The following PCM1 variants were observed in gnomAD, a reference collection of about 807,000 sequenced individuals.
The protein encoded by PCM1 is pericentriolar material 1 protein.
In PCM1, 157 loss-of-function variants were observed where a neutral mutation model predicts 241.9. The ratio of observed to expected loss-of-function variants is 0.65; its 90% CI spans 0.57 to 0.74. The LOEUF (loss-of-function observed/expected upper bound fraction) is 0.74, where lower values mean the gene tolerates loss of function less well. PCM1 is among the 30% of genes least tolerant of loss of function. The probability of loss-of-function intolerance (pLI) is 0.00; values close to 1 mark genes in which losing one functional copy is unlikely to be tolerated. For synonymous variants in PCM1, 1,085 were observed against 784.9 expected, an observed-to-expected ratio of 1.38 and a Z score of -6.39; for missense variants, 3,478 against 2,360.1, an observed-to-expected ratio of 1.47 and a Z score of -9.81.
chr8:18,011,467 A>C (rs528491646), intron 33 of PCM1, 101 bp downstream of exon 33: 8 of 1,184,806 alleles, frequency 6.8e-6, no homozygotes, highest in Non-Finnish European at 9.2e-6. Flanking sequence ...TTAAGTGTCA[A>C]AGAACTCTGA....
At chr8:17,931,996 TAA>T (rs906321659) in intron 2 of PCM1, among the ~76,000 whole-genome samples, 3 of 152,160 alleles carry the variant, frequency 2.0e-5, no homozygotes, top group African/African-American at 4.8e-5. Flanking sequence ...AGCACTTTAA[TAA>T]AGTTTCTTAG....
Position 17,939,801 on chromosome 8 carries a change from T to A in PCM1, c.723T>A (p.His241Gln), listed in dbSNP as rs370795761. The A allele has an allele frequency of 1.9e-6, 3 of 1,541,620 alleles. No homozygotes were observed. The African/African-American group carries it at 4.1e-5, about 21-fold the overall frequency. Residue 241 changes from histidine to glutamine, a missense_variant, in exon 6 of 39, where the codon CAT (histidine) becomes CAA (glutamine). Physicochemically the swap from His to Gln is conservative, Grantham distance 24. Coordinates refer to ENST00000325083, the MANE Select transcript of PCM1 (RefSeq NM_006197.4). Reference protein sequence around the residue: ...ERSANVERLTHLIDHLKEQEK... With the variant: ...ERSANVERLTQLIDHLKEQEK... ...CTGCTAATGTTGAGCGCCTTACTCA[T>A]CTAATAGATCACCTTAAAGAACAAG...
At chr8:18,014,948 A>C in intron 36 of PCM1, 108 bp downstream of exon 36, 1 of 995,844 alleles carries the variant, frequency 1.0e-6, no homozygotes, top group Non-Finnish European at 1.4e-6. Context: ...GTTTAGGTTT[A>C]GAACATGTTG....
At chr8:17,934,314 T>A (rs1028837736) in intron 2 of PCM1, among the ~76,000 whole-genome samples, 1 of 151,656 alleles carries the variant, frequency 6.6e-6, no homozygotes. Flanking sequence ...CAGGCTGGAG[T>A]GCAGTGGTGC....
intron 23 of PCM1, 138 bp from the exon 24 acceptor site, chr8:17,980,453 C>G: frequency 1.7e-6 from 1 of 575,436 alleles, no homozygotes; most frequent in Non-Finnish European, 2.9e-6. Flanking sequence ...GACATATTTA[C>G]TGTTTTGTAT....
At chr8:17,990,616 A>G (rs2084286554) in intron 27 of PCM1, among the ~76,000 whole-genome samples, 1 of 152,020 alleles carries the variant, frequency 6.6e-6, no homozygotes, top group African/African-American at 2.4e-5. Flanking sequence ...AAATATGTAG[A>G]TACTTGATAC....
Position 17,964,701 on chromosome 8 carries a change from A to G in PCM1, c.2788A>G (p.Asn930Asp), listed in dbSNP as rs1344921896. The change falls in exon 18 of 39, where the codon AAC (asparagine) becomes GAC (aspartate). Residue 930 changes from asparagine to aspartate, a missense_variant. Asn to Asp is a conservative substitution (Grantham distance 23). Transcript: ENST00000325083. Reference sequence around the variant, plus strand: ...AGAGCAAGATGCCAGTTCCAATGATAACTTTTCTGTGTGTCCTTCTAACAG... The same window carrying G: ...AGAGCAAGATGCCAGTTCCAATGATGACTTTTCTGTGTGTCCTTCTAACAG... ...EEEQDASSND[N>D]FSVCPSNSVN... 8 of 1,613,836 alleles carry G rather than the reference A, an allele frequency of 5.0e-6. No individual in the cohort carries two copies. In the Admixed American group the frequency reaches 5.0e-5, roughly 10 times the overall value.
rs1267198841 is a variant in PCM1, at chr8:17,957,523, A to G, written c.1805-17A>G. 2 of 1,601,328 alleles carry G rather than the reference A, an allele frequency of 1.2e-6. No homozygotes were observed. Among genetic ancestry groups the G allele is most frequent in the Non-Finnish European group, 1.7e-6 (2 of 1,171,322 alleles). On this transcript the variant is annotated splice_polypyrimidine_tract_variant and intron_variant, in intron 12 of 38. Coordinates refer to ENST00000325083, the MANE Select transcript of PCM1 (RefSeq NM_006197.4). ...CCTTTAAAAGTTACTGGTTTTAATTATACATGTTTTCAGCAGATTGTCGAT... is the reference window on the plus strand; with the variant it reads ...CCTTTAAAAGTTACTGGTTTTAATTGTACATGTTTTCAGCAGATTGTCGAT...
At chr8:17,953,754 C>T (rs187704448) in intron 9 of PCM1, among the ~76,000 whole-genome samples, 1 of 152,134 alleles carries the variant, frequency 6.6e-6, no homozygotes. Flanking sequence ...ACGTGTTTAA[C>T]CTTCTTTGTC....
intron 23 of PCM1, among the ~76,000 whole-genome samples, chr8:17,977,293 C>T (rs909230910): frequency 1.3e-5 from 2 of 151,962 alleles, no homozygotes; most frequent in African/African-American, 2.4e-5. Context: ...CATGCAGACT[C>T]GGTGGCAGAG....
intron 38 of PCM1, among the ~76,000 whole-genome samples, chr8:18,026,131 T>C (rs1289106638): frequency 9.7e-6 from 1 of 103,498 alleles, no homozygotes; most frequent in Non-Finnish European, 1.7e-5. Context: ...GCCACTGCAC[T>C]CCGGCCTGGG....
chr8:18,003,485 G>A (rs1588269559), intron 29 of PCM1, among the ~76,000 whole-genome samples: 1 of 152,236 alleles, frequency 6.6e-6, no homozygotes, highest in Non-Finnish European at 1.5e-5. Flanking sequence ...AGTTTCTCCT[G>A]TTTTTCAGGA....
At chr8:17,997,535 C>A (rs766994248) in intron 29 of PCM1, among the ~76,000 whole-genome samples, 3 of 151,356 alleles carry the variant, frequency 2.0e-5, no homozygotes, top group Non-Finnish European at 4.4e-5. Flanking sequence ...TTGTGTTTTA[C>A]TTTTTTTTTC....
intron 36 of PCM1, among the ~76,000 whole-genome samples, chr8:18,017,539 C>T (rs537906721): frequency 1.1e-3 from 160 of 152,304 alleles, no homozygotes; most frequent in African/African-American, 3.8e-3. Context: ...TTGGGCCAGA[C>T]TATTTCCTCA....
rs941183480 is a variant in PCM1, at chr8:17,950,642, C to G, written c.989C>G (p.Ser330Cys). 1.9e-6 allele frequency: 3 copies of G among 1,603,340 alleles called. No homozygotes were observed. The African/African-American group carries it at 4.0e-5, about 21-fold the overall frequency. The change falls in exon 8 of 39, where the codon TCT (serine) becomes TGT (cysteine). Residue 330 changes from serine to cysteine, a missense_variant. Transcript: ENST00000325083. ...SVVAETAGSL[S>C]GVSITSELNE... ...GTTGCAGAAACTGCAGGTAGCTTAT[C>G]TGGCGTCAGTATCACATCTGAACTA...
intron 29 of PCM1, 113 bp downstream of exon 29, chr8:17,993,732 A>G (rs1640229877): frequency 1.2e-6 from 1 of 842,666 alleles, no homozygotes; most frequent in Non-Finnish European, 1.7e-6. Flanking sequence ...CAACAAAAAA[A>G]CTATCACCCA....
At chr8:17,948,321 T>G (rs13260574) in intron 7 of PCM1, among the ~76,000 whole-genome samples, 102 of 72,966 alleles carry the variant, frequency 1.4e-3, no homozygotes, top group African/African-American at 4.4e-3. Flanking sequence ...TTTTTTTTTT[T>G]GGAGACAGAG....
intron 38 of PCM1, 116 bp downstream of exon 38, chr8:18,025,774 C>T (rs1435191147): frequency 3.2e-6 from 2 of 617,070 alleles, no homozygotes; most frequent in South Asian, 2.2e-5. Flanking sequence ...AAGCCAAATA[C>T]TAGAAAGAAA....
intron 30 of PCM1, 67 bp downstream of exon 30, chr8:18,006,464 G>A (rs759351468): frequency 9.4e-7 from 1 of 1,058,870 alleles, no homozygotes. Flanking sequence ...TCGGGGGGTG[G>A]GTGAGGCATT....
Sources: allele counts gnomAD v4.1 joint callset (sites outside exome capture counted in the v4.1 genomes callset), GRCh38; gene constraint gnomAD v4.1.1; transcripts MANE v1.5; gene names NCBI Gene and HGNC (gene_info 2026-07-23, HGNC 2026-07-21).